MYH7B: variants seen among roughly 807,000 people sequenced by gnomAD.
The protein encoded by MYH7B is myosin heavy chain 7B.
In MYH7B, 205 loss-of-function variants were observed where a neutral mutation model predicts 234.5. The observed-to-expected ratio is 0.87, with a 90% CI of 0.78 to 0.98. The LOEUF (loss-of-function observed/expected upper bound fraction) is 0.98. Among genes scored for constraint, MYH7B ranks in the 50% least tolerant of loss-of-function variants. The pLI is 0.00. For synonymous variants in MYH7B, 1,193 were observed against 1,105.0 expected (o/e 1.08, Z -1.58); for missense variants, 2,652 against 2,633.4 (o/e 1.01, Z -0.15).
chr20:34,957,394 C>G (rs1359687713), intron 1 of MYH7B, among the ~76,000 whole-genome samples: 1 of 151,000 alleles, frequency 6.6e-6, no homozygotes, highest in Non-Finnish European at 1.5e-5. Flanking sequence ...GGAGATGGAG[C>G]GAAGCGAACA....
At chr20:34,969,747 G>A (rs147927753) in intron 2 of MYH7B, among the ~76,000 whole-genome samples, 12,458 of 151,852 alleles carry the variant, frequency 0.082, 585 homozygotes, top group South Asian at 0.13. Context: ...GTTTCACCAC[G>A]TTGGCCAGAC....
chr20:35,000,552 C>G, exon 39 of MYH7B: 1 of 1,580,302 alleles, frequency 6.3e-7, no homozygotes, highest in Non-Finnish European at 8.6e-7. Flanking sequence ...GGCGCAGGCT[C>G]TGGAGCGCCG....
exon 40 of MYH7B, chr20:35,000,809 C>G (rs2147245912): frequency 6.2e-7 from 1 of 1,613,814 alleles, no homozygotes; most frequent in South Asian, 1.1e-5. Context: ...TGGAGGCGGA[C>G]TTGGCCCAGC....
chr20:34,985,665 C>G (rs977934315), intron 13 of MYH7B, among the ~76,000 whole-genome samples: 2 of 152,142 alleles, frequency 1.3e-5, no homozygotes, highest in African/African-American at 4.8e-5. Context: ...GTTGGCCACT[C>G]CCCACATTGG....
chr20:34,990,968 C>T, intron 23 of MYH7B, 36 bp from the exon 24 acceptor site: 1 of 1,586,144 alleles, frequency 6.3e-7, no homozygotes, highest in Non-Finnish European at 8.6e-7. Flanking sequence ...GCGGGTGTGC[C>T]TGTTGACCTC....
chr20:34,994,250 C>T (rs372092944), exon 27 of MYH7B: 27 of 1,612,966 alleles, frequency 1.7e-5, no homozygotes, highest in South Asian at 9.9e-5. Context: ...CTGCGCTCGG[C>T]GCAGGCTGAG....
chr20:34,998,536 G>A (rs2082306586), exon 34 of MYH7B: 2 of 1,613,446 alleles, frequency 1.2e-6, no homozygotes, highest in Non-Finnish European at 1.7e-6. Flanking sequence ...TGCTAGAGGA[G>A]AAGGAGTGTC....
At chr20:34,980,356 C>A (rs2081923290) in intron 7 of MYH7B, 1 of 476,748 alleles carries the variant, frequency 2.1e-6, no homozygotes. Flanking sequence ...CGAGACCAGC[C>A]TGGCCAACAT....
At chr20:34,997,397 C>T (rs537752858) in exon 32 of MYH7B, 22 of 1,484,920 alleles carry the variant, frequency 1.5e-5, no homozygotes, top group East Asian at 2.6e-5. Flanking sequence ...CGGGGCAGCG[C>T]GAGGGCTGCC....
At chr20:34,999,971 C>G (rs2082339533) in intron 38 of MYH7B, 65 bp downstream of exon 38, 2 of 1,426,794 alleles carry the variant, frequency 1.4e-6, no homozygotes, top group African/African-American at 1.4e-5. Context: ...AGTGTGTACT[C>G]TGCTCTCTAG....
At chr20:35,001,800 C>G (rs1242073199) in intron 43 of MYH7B, 148 bp from the exon 44 acceptor site, 2 of 1,293,270 alleles carry the variant, frequency 1.5e-6, no homozygotes, top group East Asian at 2.3e-5. Flanking sequence ...CTTCCTTATT[C>G]CCGCTGTGGT....
At chr20:34,991,198 C>T in intron 24 of MYH7B, 77 bp downstream of exon 24, 1 of 1,007,590 alleles carries the variant, frequency 9.9e-7, no homozygotes. Flanking sequence ...TATCAGAGCC[C>T]AACAGACGGT....
exon 35 of MYH7B, chr20:34,998,866 A>G: frequency 1.2e-6 from 2 of 1,613,270 alleles, no homozygotes; most frequent in Non-Finnish European, 1.7e-6. Flanking sequence ...GTGGAGGAGC[A>G]AGTACGAAGC....
chr20:34,993,629 C>T (rs1438194396), intron 26 of MYH7B, among the ~76,000 whole-genome samples, 159 bp downstream of exon 26: 2 of 152,232 alleles, frequency 1.3e-5, no homozygotes, highest in African/African-American at 2.4e-5. Flanking sequence ...CCTCCATTTC[C>T]CCACCTCAAA....
chr20:34,986,182 G>A, exon 14 of MYH7B: 1 of 1,595,960 alleles, frequency 6.3e-7, no homozygotes, highest in Non-Finnish European at 8.5e-7. Flanking sequence ...TCTCAGGGAG[G>A]AAGCCAGAGC....
chr20:34,989,989 C>T (rs774277607), intron 20 of MYH7B, 25 bp from the exon 21 acceptor site: 3 of 1,613,616 alleles, frequency 1.9e-6, no homozygotes, highest in African/African-American at 1.3e-5. Flanking sequence ...CCCACCCGGG[C>T]TCAGCACCTG....
chr20:34,981,036 G>C (rs770508327), exon 9 of MYH7B: 7 of 1,614,056 alleles, frequency 4.3e-6, no homozygotes, highest in Admixed American at 1.7e-5. Context: ...CCTCCAGACC[G>C]AGACAACCAG....
intron 2 of MYH7B, among the ~76,000 whole-genome samples, chr20:34,962,804 T>G (rs2081710169): frequency 6.6e-6 from 1 of 151,998 alleles, no homozygotes; most frequent in African/African-American, 2.4e-5. Context: ...TCCATGTACT[T>G]TAAGTCATCT....
At chr20:34,959,155 T>C (rs866987960) in intron 2 of MYH7B, among the ~76,000 whole-genome samples, 8 of 152,188 alleles carry the variant, frequency 5.3e-5, no homozygotes, top group African/African-American at 1.7e-4. Flanking sequence ...TCGTCTGAGA[T>C]CCATTAGTAT....
Sources: allele counts gnomAD v4.1 joint callset (sites outside exome capture counted in the v4.1 genomes callset), GRCh38; gene constraint gnomAD v4.1.1; transcripts MANE v1.5; gene names NCBI Gene and HGNC (gene_info 2026-07-23, HGNC 2026-07-21).